Variants in SNRNP48 observed in about 807,000 individuals in gnomAD.
SNRNP48 encodes small nuclear ribonucleoprotein U11/U12 subunit 48, also known as U11/U12 small nuclear ribonucleoprotein 48 kDa protein.
In SNRNP48, 43 loss-of-function variants were observed where a neutral mutation model predicts 47.0. The ratio of observed to expected loss-of-function variants is 0.92; its 90% CI spans 0.72 to 1.18. The LOEUF (loss-of-function observed/expected upper bound fraction) is 1.18, where lower values mean the gene tolerates loss of function less well. SNRNP48 is among the 50% of genes most tolerant of loss of function. The probability of loss-of-function intolerance (pLI) is 0.00; values close to 1 mark genes in which losing one functional copy is unlikely to be tolerated. For missense variants in SNRNP48, 396 were observed against 422.2 expected (o/e 0.94, Z 0.54); for synonymous variants, 138 against 144.0 (o/e 0.96, Z 0.30).
intron 1 of SNRNP48, 32 bp from the exon 2 acceptor site, chr6:7,593,702 C>A: frequency 7.7e-7 from 1 of 1,294,968 alleles, no homozygotes; most frequent in African/African-American, 1.5e-5. Flanking sequence ...TATTATGTAC[C>A]TATTTTCTTT....
intron 8 of SNRNP48, among the ~76,000 whole-genome samples, chr6:7,606,459 T>G (rs752420453): frequency 1.3e-5 from 2 of 152,234 alleles, no homozygotes; most frequent in East Asian, 1.9e-4. Flanking sequence ...ACAGGACATA[T>G]GAAAGTATTG....
chr6:7,605,281 C>T (rs1387076485), intron 6 of SNRNP48, 117 bp from the exon 7 acceptor site: 8 of 760,308 alleles, frequency 1.1e-5, no homozygotes, highest in East Asian at 2.5e-5. Flanking sequence ...GTCCCACAGT[C>T]AATTATGTCA....
Position 7,605,991 on chromosome 6 carries a change from T to G in SNRNP48, c.807-40T>G. On this transcript the variant is annotated intron_variant, in intron 7 of 8. Transcript: ENST00000342415. The stretch of plus-strand genomic sequence containing the variant: ...TCTGTGTACGTATACTGGAGACCAG[T>G]GGTAACACAAACTGATTAACATTCT... 5 of 1,565,218 alleles carry G rather than the reference T, an allele frequency of 3.2e-6. No individual in the cohort carries two copies. In the South Asian group the frequency reaches 6.1e-5, roughly 19 times the overall value.
At chr6:7,608,140 A>T (rs1453011180) in intron 8 of SNRNP48, among the ~76,000 whole-genome samples, 1 of 152,240 alleles carries the variant, frequency 6.6e-6, no homozygotes, top group African/African-American at 2.4e-5. Context: ...TTGATATCCA[A>T]CCCTGGGGTG....
intron 6 of SNRNP48, among the ~76,000 whole-genome samples, 181 bp from the exon 7 acceptor site, chr6:7,605,217 C>CT (rs1217098260): frequency 2.0e-5 from 3 of 152,186 alleles, no homozygotes; most frequent in African/African-American, 7.2e-5. Context: ...CTTTTATCTA[C>CT]TATTCATATT....
Position 7,593,830 on chromosome 6 carries a change from T to C in SNRNP48, c.253T>C (p.Tyr85His). ...MASCRLRKMG[Y>H]TKEEEDEMYN... Reference sequence around the variant, plus strand: ...ATCTTGTAGATTGAGGAAAATGGGCTATACCAAAGAAGAAGAGGTACCATA... The same window carrying C: ...ATCTTGTAGATTGAGGAAAATGGGCCATACCAAAGAAGAAGAGGTACCATA... Residue 85 changes from tyrosine (Y) to histidine (H), a missense_variant, in exon 2 of 9, where the codon TAT becomes CAT. Tyr to His is a moderately conservative substitution (Grantham distance 83, BLOSUM62 2). Coordinates refer to ENST00000342415, the MANE Select transcript of SNRNP48 (RefSeq NM_152551.4). 6.3e-7 allele frequency: 1 copy of C among 1,588,326 alleles called. No individual in the cohort carries two copies. The highest frequency in any genetic ancestry group is 8.6e-7 in the Non-Finnish European group (1 of 1,168,300).
Position 7,602,760 on chromosome 6 carries a change from T to C in SNRNP48, c.717+16T>C. The C allele has an allele frequency of 6.6e-7, 1 of 1,524,010 alleles. No individual in the cohort carries two copies. Among genetic ancestry groups the C allele is most frequent in the Non-Finnish European group, 8.8e-7 (1 of 1,139,320 alleles). 94.4% of individuals were successfully genotyped at this position (1,524,010 alleles called of 1,614,324 possible). A position where few individuals can be genotyped will look rare whatever the true frequency, so the allele number is the denominator to read the frequency against. On this transcript the variant is annotated intron_variant, in intron 6 of 8. Transcript: ENST00000342415. The stretch of plus-strand genomic sequence containing the variant: ...ATATACTGAGGTAAGTTTTACATAA[T>C]CTTTGTTGATAAGAATTTCCCTTAG...
At chr6:7,601,822 AGCATTTACATCGTATCAGGTTTTTGGT>A (rs769038656) in intron 5 of SNRNP48, among the ~76,000 whole-genome samples, 1 of 152,106 alleles carries the variant, frequency 6.6e-6, no homozygotes, top group Non-Finnish European at 1.5e-5. Flanking sequence ...CTATTCATGC[AGCATTTACATCGTATCAGGTTTTTGGT>A]GTTTTTTTTG....
rs1263387097 is a variant in SNRNP48 at position 7,590,236 on chromosome 6, T to C, written c.-22T>C. 17 of 1,298,234 alleles carry C rather than the reference T, an allele frequency of 1.3e-5. No homozygotes were observed. Among genetic ancestry groups the C allele is most frequent in the South Asian group, 2.9e-5 (1 of 34,614 alleles). The allele number at this position is 1,298,234 out of a possible 1,614,324, so 80.4% of individuals were successfully genotyped here. On this transcript the variant is annotated 5_prime_UTR_variant, in exon 1 of 9. Coordinates refer to ENST00000342415, the MANE Select transcript of SNRNP48 (RefSeq NM_152551.4). ...TGCGGTCTGCAGTTCGGCCGCTTCC[T>C]CTTGGCGGGTGGGCTGCAGCTATGG...
At chr6:7,597,634 A>G (rs1759926722) in intron 4 of SNRNP48, among the ~76,000 whole-genome samples, 1 of 152,208 alleles carries the variant, frequency 6.6e-6, no homozygotes, top group African/African-American at 2.4e-5. Flanking sequence ...TATTAAGATA[A>G]TGAAATGGAT....
At chr6:7,593,128 A>G (rs1759847688) in intron 1 of SNRNP48, among the ~76,000 whole-genome samples, 1 of 152,134 alleles carries the variant, frequency 6.6e-6, no homozygotes, top group South Asian at 2.1e-4. Flanking sequence ...TGAGAGTTGT[A>G]GCTTTGAGAT....
chr6:7,606,271 C>A, intron 8 of SNRNP48, 76 bp downstream of exon 8: 1 of 1,362,250 alleles, frequency 7.3e-7, no homozygotes, highest in South Asian at 1.6e-5. Context: ...TGTTGTAGAC[C>A]ATGCTGAGAA....
intron 1 of SNRNP48, among the ~76,000 whole-genome samples, chr6:7,593,294 A>G (rs1759850222): frequency 6.6e-6 from 1 of 152,110 alleles, no homozygotes; most frequent in Non-Finnish European, 1.5e-5. Context: ...GGTAGAAAGA[A>G]CATGAGGGGT....
In SNRNP48 at chr6:7,606,049, A is replaced by G. The variant is rs1390064840; in HGVS notation, c.825A>G (p.Ser275=). ...GTTTTAGGAATGAAGAAAGGCGATC[A>G]GCTTCAGTAGATTCACGGCAGTCTG... ...DDAEKNEERR[S]ASVDSRQSGG... Residue 275 remains serine (S), a synonymous_variant, in exon 8 of 9, where the codon TCA becomes TCG. Coordinates refer to ENST00000342415, the MANE Select transcript of SNRNP48 (RefSeq NM_152551.4). 2 of 1,597,452 alleles carry G rather than the reference A, an allele frequency of 1.3e-6. No homozygotes were observed. The highest frequency in any genetic ancestry group is 2.3e-5 in the South Asian group (2 of 87,886).
intron 4 of SNRNP48, among the ~76,000 whole-genome samples, chr6:7,599,362 C>T (rs1010944195): frequency 2.0e-5 from 3 of 152,078 alleles, no homozygotes; most frequent in East Asian, 1.9e-4. Context: ...GGTTGCACAA[C>T]GTGAATGCAC....
intron 4 of SNRNP48, chr6:7,600,814 TG>T (rs1304671640): frequency 6.6e-6 from 1 of 152,228 alleles, no homozygotes; most frequent in East Asian, 1.9e-4. Context: ...TCTAAGTCCT[TG>T]CACAAGTGGG....
intron 6 of SNRNP48, among the ~76,000 whole-genome samples, chr6:7,604,125 G>C (rs1422391181): frequency 6.6e-6 from 1 of 152,212 alleles, no homozygotes; most frequent in Non-Finnish European, 1.5e-5. Context: ...GCCTGAGCTA[G>C]GTGGATTCTG....
Position 7,590,227 on chromosome 6 carries a change from G to T in SNRNP48, c.-31G>T, listed in dbSNP as rs562061429. 4.7e-6 allele frequency: 6 copies of T among 1,286,090 alleles called. No individual in the cohort carries two copies. Among genetic ancestry groups the T allele is most frequent in the Admixed American group, 7.7e-5 (2 of 26,140 alleles). The allele number at this position is 1,286,090 out of a possible 1,614,324, so 79.7% of individuals were successfully genotyped here. A position where few individuals can be genotyped will look rare whatever the true frequency, so the allele number is the denominator to read the frequency against. ...GCCTGCGCGTGCGGTCTGCAGTTCG[G>T]CCGCTTCCTCTTGGCGGGTGGGCTG... On this transcript the variant is annotated 5_prime_UTR_variant, in exon 1 of 9. Transcript: ENST00000342415.
chr6:7,597,828 C>G (rs1271595233), intron 4 of SNRNP48, among the ~76,000 whole-genome samples: 3 of 150,178 alleles, frequency 2.0e-5, no homozygotes, highest in African/African-American at 7.3e-5. Flanking sequence ...TGAATTCTTA[C>G]ACTATCTTAA....
Sources: gnomAD v4.1 joint callset for allele counts (sites outside exome capture counted in the v4.1 genomes callset) on GRCh38, gnomAD v4.1.1 for gene constraint, MANE v1.5 for transcripts, NCBI Gene and HGNC (gene_info 2026-07-23, HGNC 2026-07-21) for gene names.